BNC2: variants seen among roughly 807,000 people sequenced by gnomAD.
BNC2 encodes basonuclin zinc finger protein 2.
In BNC2, 20 loss-of-function variants were observed where a neutral mutation model predicts 76.3. The observed-to-expected ratio is 0.26, with a 90% CI of 0.18 to 0.38. BNC2 has a LOEUF of 0.38. Ranked by LOEUF, BNC2 falls within the 10% of genes least tolerant of loss-of-function variation. BNC2 has a pLI of 1.00. For synonymous variants in BNC2, 582 were observed against 514.8 expected (o/e 1.13, Z -1.77); for missense variants, 1,382 against 1,399.8 (o/e 0.99, Z 0.20).
At chr9:16,837,990 C>T (rs369566696) in intron 1 of BNC2, among the ~76,000 whole-genome samples, 1 of 151,994 alleles carries the variant, frequency 6.6e-6, no homozygotes. Context: ...TTTTATGATA[C>T]CTGGTATAAA....
chr9:16,550,567 C>T (rs1225271141), intron 5 of BNC2, among the ~76,000 whole-genome samples: 1 of 152,232 alleles, frequency 6.6e-6, no homozygotes, highest in East Asian at 1.9e-4. Flanking sequence ...TTACTCCTAT[C>T]AAAGTGCTAC....
intron 3 of BNC2, among the ~76,000 whole-genome samples, chr9:16,630,888 C>T (rs984749243): frequency 1.1e-4 from 16 of 151,968 alleles, no homozygotes; most frequent in African/African-American, 2.9e-4. Flanking sequence ...TACAGGCATG[C>T]GCCACCACGC....
Position 16,456,042 on chromosome 9 carries a change from T to C in BNC2, c.670-18518A>G, listed in dbSNP as rs117893088. On this transcript the variant is annotated intron_variant, in intron 5 of 6. Transcript: ENST00000380672. The stretch of plus-strand genomic sequence containing the variant: ...TAGGATCAACAGGTAGCTGATTTTC[T>C]AAATCACCAGGAGGACTTTGTTCTT... Among the ~76,000 whole-genome samples, 34 of 123,388 alleles carry C rather than the reference T, an allele frequency of 2.8e-4. No homozygotes were observed. The East Asian group carries it at 6.6e-3, about 24-fold the overall frequency. 80.9% of individuals were successfully genotyped at this position (123,388 alleles called of 152,430 possible). A position where few individuals can be genotyped will look rare whatever the true frequency, so the allele number is the denominator to read the frequency against.
chr9:16,751,698 A>ATATATATGTGTGTGTGTGTG (rs1563927032), intron 1 of BNC2, among the ~76,000 whole-genome samples: 10 of 140,276 alleles, frequency 7.1e-5, no homozygotes, highest in Non-Finnish European at 1.1e-4. Context: ...GTGTGTATAT[A>ATATATATGTGTGTGTGTGTG]TATATATATG....
chr9:16,532,582 G>T (rs866767876), intron 5 of BNC2, among the ~76,000 whole-genome samples: 2 of 152,032 alleles, frequency 1.3e-5, no homozygotes, highest in African/African-American at 4.8e-5. Flanking sequence ...GGAAATTTTG[G>T]GAGTTGGTGG....
chr9:16,845,587 G>A (rs1391773739), intron 1 of BNC2, among the ~76,000 whole-genome samples: 6 of 151,986 alleles, frequency 3.9e-5, no homozygotes, highest in East Asian at 2.0e-4. Flanking sequence ...CGGGTGTAGC[G>A]GCGTGGGCCT....
At chr9:16,744,275 G>A (rs927369055) in intron 1 of BNC2, among the ~76,000 whole-genome samples, 2 of 152,090 alleles carry the variant, frequency 1.3e-5, no homozygotes, top group Non-Finnish European at 2.9e-5. Context: ...GGCCTAGACT[G>A]CAGTTTTTAA....
In BNC2 at chr9:16,673,817, T is replaced by C. The variant is rs145086058; in HGVS notation, c.330+53980A>G. The stretch of plus-strand genomic sequence containing the variant: ...TAGGGACAGCCATTTTTTTAATGTG[T>C]TGAACTCTGAGACGGGTTCATGTTT... On this transcript the variant is annotated intron_variant, in intron 3 of 6. Transcript: ENST00000380672. Among the ~76,000 whole-genome samples the C allele has an allele frequency of 4.7e-3, 715 of 152,300 alleles. 6 individuals are homozygous for C. Among genetic ancestry groups the C allele is most frequent in the African/African-American group, 0.017 (695 of 41,562 alleles).
chr9:16,691,501 G>GTTTTTTTTTT (rs1823162064), intron 3 of BNC2, among the ~76,000 whole-genome samples: 4 of 95,294 alleles, frequency 4.2e-5, no homozygotes, highest in African/African-American at 1.7e-4. Context: ...ATGGGTATGG[G>GTTTTTTTTTT]TTCTTTTTTT....
rs184300069 is a variant in BNC2 at position 16,816,709 on chromosome 9, T to C, written c.3+53937A>G. Reference sequence around the variant, plus strand: ...AGGACACAATACACACACACAAACATGGATAACGTGTGCTTTTTCTTTTTT... The same window carrying C: ...AGGACACAATACACACACACAAACACGGATAACGTGTGCTTTTTCTTTTTT... On this transcript the variant is annotated intron_variant, in intron 1 of 6. Transcript: ENST00000380672. Among the ~76,000 whole-genome samples, 4 of 152,280 alleles carry C rather than the reference T, an allele frequency of 2.6e-5. No individual in the cohort carries two copies. In the East Asian group the frequency reaches 7.7e-4, roughly 29 times the overall value.
chr9:16,768,199 C>T (rs1012631469), intron 1 of BNC2, among the ~76,000 whole-genome samples: 1 of 152,026 alleles, frequency 6.6e-6, no homozygotes, highest in African/African-American at 2.4e-5. Context: ...CTCCTGACCT[C>T]ACGTGATCCA....
At chr9:16,599,645 G>C (rs539913194) in intron 3 of BNC2, among the ~76,000 whole-genome samples, 1 of 152,130 alleles carries the variant, frequency 6.6e-6, no homozygotes, top group South Asian at 2.1e-4. Flanking sequence ...TAAGCCAGGC[G>C]TGGTGGCACA....
chr9:16,418,682 GTGTGTGTGTATGTGCATGTGTGT>G lies in BNC2; in HGVS notation c.*284_*306del. 1 of 320,394 alleles carries G rather than the reference GTGTGTGTGTATGTGCATGTGTGT, an allele frequency of 3.1e-6. No individual in the cohort carries two copies. The highest frequency in any genetic ancestry group is 4.6e-5 in the Admixed American group (1 of 21,714). The allele number at this position is 320,394 out of a possible 1,614,324, so 19.8% of individuals were successfully genotyped here. A position where few individuals can be genotyped will look rare whatever the true frequency, so the allele number is the denominator to read the frequency against. ...TTGCACACTGTGTGTGTGTGTGTGTGTGTGTGTGTATGTGCATGTGTGTGTGTGTGTGTTTAAAGGGGTACTCT... is the reference window on the plus strand; with the variant it reads ...TTGCACACTGTGTGTGTGTGTGTGTGGTGTGTGTGTTTAAAGGGGTACTCT... On this transcript the variant is annotated 3_prime_UTR_variant, in exon 7 of 7. Transcript: ENST00000380672.
intron 3 of BNC2, among the ~76,000 whole-genome samples, chr9:16,708,465 A>G (rs930816436): frequency 6.6e-6 from 1 of 152,160 alleles, no homozygotes; most frequent in Non-Finnish European, 1.5e-5. Flanking sequence ...CTCAACACAC[A>G]CATACAACAT....
chr9:16,488,031 G>A (rs557457470), intron 5 of BNC2, among the ~76,000 whole-genome samples: 2 of 150,254 alleles, frequency 1.3e-5, no homozygotes, highest in East Asian at 2.0e-4. Flanking sequence ...ATTTTTGGCC[G>A]CATCTTTGGA....
At position 16,414,026 on chromosome 9, in the gene BNC2, T is replaced by A. The variant is rs1820532110; in HGVS notation, c.*4963A>T. 6.6e-6 allele frequency: 1 copy of A among 152,138 alleles called. No individual in the cohort carries two copies. The highest frequency in any genetic ancestry group is 1.5e-5 in the Non-Finnish European group (1 of 68,032). The allele number at this position is 152,138 out of a possible 1,614,324, so 9.4% of individuals were successfully genotyped here. A position where few individuals can be genotyped will look rare whatever the true frequency, so the allele number is the denominator to read the frequency against. The stretch of plus-strand genomic sequence containing the variant: ...TTGCTGACCCCTGGCATCTTTCGGT[T>A]CTCAGGGGATTCCAGCAACACTTCC... On this transcript the variant is annotated 3_prime_UTR_variant, in exon 7 of 7. Transcript: ENST00000380672.
rs151162294 is a variant in BNC2 at position 16,820,961 on chromosome 9, G to A, written c.3+49685C>T. On this transcript the variant is annotated intron_variant, in intron 1 of 6. Coordinates refer to ENST00000380672, the MANE Select transcript of BNC2 (RefSeq NM_017637.6). ...TGTAATCCCAGAACTTTGGGAGGCC[G>A]AGGCAGGAGCACTGTAATCCCAGAA... Among the ~76,000 whole-genome samples, 723 of 152,192 alleles carry A rather than the reference G, an allele frequency of 4.8e-3. 4 individuals carry two copies. The highest frequency in any genetic ancestry group is 0.016 in the African/African-American group (675 of 41,528).
chr9:16,711,264 G>A lies in BNC2; in HGVS notation c.330+16533C>T, dbSNP rs532076974. Among the ~76,000 whole-genome samples, 8 of 152,284 alleles carry A rather than the reference G, an allele frequency of 5.3e-5. No individual in the cohort carries two copies. The South Asian group carries it at 1.2e-3, about 24-fold the overall frequency. ...CAGAACAACAGGGTCACTTAATTGTGGAGGTGGGGAAGGGGGGGCGGTTGT... is the reference window on the plus strand; with the variant it reads ...CAGAACAACAGGGTCACTTAATTGTAGAGGTGGGGAAGGGGGGGCGGTTGT... On this transcript the variant is annotated intron_variant, in intron 3 of 6. Transcript: ENST00000380672.
At chr9:16,805,282 TG>T (rs1238046390) in intron 1 of BNC2, among the ~76,000 whole-genome samples, 4 of 152,280 alleles carry the variant, frequency 2.6e-5, no homozygotes, top group African/African-American at 9.6e-5. Flanking sequence ...GCCAAACACA[TG>T]AATTCCCTGG....
Sources: allele counts gnomAD v4.1 joint callset (sites outside exome capture counted in the v4.1 genomes callset), GRCh38; gene constraint gnomAD v4.1.1; transcripts MANE v1.5; gene names NCBI Gene and HGNC (gene_info 2026-07-23, HGNC 2026-07-21).